The following SEL1L3 variants were observed in gnomAD, a reference collection of about 807,000 sequenced individuals.
SEL1L3 encodes SEL1L family member 3.
Under a neutral mutation model 142.8 loss-of-function variants are expected in SEL1L3, and 76 were observed. The ratio of observed to expected loss-of-function variants is 0.53; its 90% CI spans 0.44 to 0.64. The LOEUF (loss-of-function observed/expected upper bound fraction) is 0.64. Among genes scored for constraint, SEL1L3 ranks in the 30% least tolerant of loss-of-function variants. The probability of loss-of-function intolerance (pLI) is 0.00; values close to 1 mark genes in which losing one functional copy is unlikely to be tolerated. For synonymous variants in SEL1L3, 504 were observed against 519.6 expected (o/e 0.97, Z 0.41); for missense variants, 1,262 against 1,381.7 (o/e 0.91, Z 1.37).
intron 19 of SEL1L3, among the ~76,000 whole-genome samples, chr4:25,766,920 T>C (rs528027806): frequency 6.6e-6 from 1 of 152,246 alleles, no homozygotes; most frequent in South Asian, 2.1e-4. Context: ...CAGAGCAGCG[T>C]AGAGGAATCC....
In SEL1L3 at chr4:25,790,457, G is replaced by A; in HGVS notation, c.2074C>T (p.Gln692Ter). ...HEATRGNAAAQQRLAQMLFWG... is the reference protein window; with the variant it reads ...HEATRGNAAA The stretch of plus-strand genomic sequence containing the variant: ...AAGACAGTAGCCTGCGTTTTTACCT[G>A]AGCTGCTGCATTGCCTCGGGTAGCT... The change falls in exon 12 of 24, where the codon CAG (glutamine) becomes TAG (stop). Residue 692 changes from glutamine to a stop codon, truncating the protein, a stop_gained and splice_region_variant. Coordinates refer to ENST00000399878, the MANE Select transcript of SEL1L3 (RefSeq NM_015187.5). LOFTEE classifies it high-confidence loss of function. The A allele has an allele frequency of 6.2e-7, 1 of 1,613,768 alleles. No homozygotes were observed. Among genetic ancestry groups the A allele is most frequent in the Non-Finnish European group, 8.5e-7 (1 of 1,179,808 alleles).
At chr4:25,861,080 C>T (rs1477872653) in intron 1 of SEL1L3, among the ~76,000 whole-genome samples, 3 of 152,178 alleles carry the variant, frequency 2.0e-5, no homozygotes, top group Non-Finnish European at 4.4e-5. Context: ...TGGAACTTTT[C>T]GGCCCGGCCC....
At chr4:25,854,863 T>C (rs914638870) in intron 1 of SEL1L3, among the ~76,000 whole-genome samples, 3 of 152,218 alleles carry the variant, frequency 2.0e-5, no homozygotes, top group Admixed American at 6.5e-5. Context: ...GATGGATTGT[T>C]TGACAAGTAG....
chr4:25,830,636 AT>A (rs1421281218), intron 5 of SEL1L3, among the ~76,000 whole-genome samples: 1 of 151,988 alleles, frequency 6.6e-6, no homozygotes, highest in African/African-American at 2.4e-5. Context: ...CAGGGACACT[AT>A]TTTTTGTCAT....
chr4:25,743,632 G>A (rs1159212985), downstream of SEL1L3, among the ~76,000 whole-genome samples: 1 of 152,176 alleles, frequency 6.6e-6, no homozygotes, highest in Non-Finnish European at 1.5e-5. Flanking sequence ...TCACAGATAG[G>A]CGAGAGACAA....
At chr4:25,849,986 T>C (rs139541842) in intron 1 of SEL1L3, among the ~76,000 whole-genome samples, 78 of 152,206 alleles carry the variant, frequency 5.1e-4, no homozygotes, top group Non-Finnish European at 8.1e-4. Context: ...AGTTGGGCTT[T>C]GAGGGACGAA....
chr4:25,861,060 G>A (rs1320526569), intron 1 of SEL1L3, among the ~76,000 whole-genome samples: 1 of 152,188 alleles, frequency 6.6e-6, no homozygotes, highest in Non-Finnish European at 1.5e-5. Flanking sequence ...CAGGTCTTGA[G>A]ATGTCCACGT....
intron 1 of SEL1L3, among the ~76,000 whole-genome samples, chr4:25,854,265 C>T (rs934142511): frequency 1.3e-5 from 2 of 152,158 alleles, no homozygotes; most frequent in African/African-American, 2.4e-5. Flanking sequence ...AGTTTGCGAA[C>T]TGCTTTTCTA....
intron 17 of SEL1L3, 61 bp from the exon 18 acceptor site, chr4:25,767,891 G>A (rs1373606532): frequency 9.5e-7 from 1 of 1,057,620 alleles, no homozygotes. Context: ...TTCACAGAGA[G>A]CTTTACATTC....
the SEL1L3 span, among the ~76,000 whole-genome samples, chr4:25,715,011 C>A: frequency 1.3e-5 from 2 of 152,146 alleles, no homozygotes; most frequent in African/African-American, 2.4e-5. Flanking sequence ...TGCATGGGAA[C>A]AACCACTACA....
chr4:25,797,950 A>C (rs1354138409), intron 11 of SEL1L3, among the ~76,000 whole-genome samples: 1 of 152,100 alleles, frequency 6.6e-6, no homozygotes, highest in Non-Finnish European at 1.5e-5. Context: ...AGGCTTCCAG[A>C]GGGGGTGACA....
At chr4:25,733,523 C>CTTTTTT in the SEL1L3 span, among the ~76,000 whole-genome samples, 1 of 121,946 alleles carries the variant, frequency 8.2e-6, no homozygotes, top group Non-Finnish European at 1.6e-5. Context: ...TATTCCTTAG[C>CTTTTTT]TTTTTTTTTT....
At chr4:25,778,674 T>C (rs577498886) in intron 16 of SEL1L3, among the ~76,000 whole-genome samples, 7 of 152,190 alleles carry the variant, frequency 4.6e-5, no homozygotes, top group Middle Eastern at 3.4e-3. Context: ...GAAAACTACA[T>C]CTTTATCCTT....
Position 25,835,286 on chromosome 4 carries a change from A to C in SEL1L3, c.771T>G (p.Ser257Arg). 4 of 1,613,986 alleles carry C rather than the reference A, an allele frequency of 2.5e-6. No homozygotes were observed. Among genetic ancestry groups the C allele is most frequent in the Non-Finnish European group, 3.4e-6 (4 of 1,179,890 alleles). ...VALLGFPYAS[S>R]GENTGIVKKF... Reference sequence around the variant, plus strand: ...TCTTGACAATGCCTGTGTTTTCTCCACTGGAGGCATAAGGAAAGCCAAGCA... The same window carrying C: ...TCTTGACAATGCCTGTGTTTTCTCCCCTGGAGGCATAAGGAAAGCCAAGCA... Residue 257 changes from serine to arginine, a missense_variant, in exon 3 of 24, where the codon AGT (serine) becomes AGG (arginine). Transcript: ENST00000399878.
chr4:25,725,224 T>G, the SEL1L3 span, among the ~76,000 whole-genome samples: 1 of 151,946 alleles, frequency 6.6e-6, no homozygotes, highest in African/African-American at 2.4e-5. Flanking sequence ...AGTCCACTGA[T>G]TAAAGTGAAA....
At chr4:25,812,506 G>A (rs1026657035) in intron 9 of SEL1L3, among the ~76,000 whole-genome samples, 1 of 152,120 alleles carries the variant, frequency 6.6e-6, no homozygotes, top group African/African-American at 2.4e-5. Flanking sequence ...GATCAACTGA[G>A]GTCAGGAGTT....
At position 25,802,862 on chromosome 4, in the gene SEL1L3, C is replaced by T. The variant is rs572498407; in HGVS notation, c.1777-400G>A. 1.7e-3 allele frequency among the ~76,000 whole-genome samples: 254 copies of T among 152,140 alleles called. 1 individual carries two copies. Among genetic ancestry groups the T allele is most frequent in the African/African-American group, 4.9e-3 (203 of 41,510 alleles). ...TCTCAAAGTGCTGGGATTTAACTTG[C>T]CTTTTTAAAAAAATAATAAAATGAA... is the stretch of plus-strand genomic sequence containing the variant. On this transcript the variant is annotated intron_variant, in intron 10 of 23. Transcript: ENST00000399878.
intron 7 of SEL1L3, 126 bp from the exon 8 acceptor site, chr4:25,820,066 T>C: frequency 1.2e-6 from 1 of 802,364 alleles, no homozygotes; most frequent in Admixed American, 2.6e-5. Context: ...TTTGTACACA[T>C]ATCATCCACT....
chr4:25,776,651 G>A (rs748027395), intron 16 of SEL1L3: 6 of 292,494 alleles, frequency 2.1e-5, no homozygotes, highest in Non-Finnish European at 3.9e-5. Context: ...TCTACCAAGA[G>A]TTCTAGTACT....
Sources: gnomAD v4.1 joint callset for allele counts (sites outside exome capture counted in the v4.1 genomes callset) on GRCh38, gnomAD v4.1.1 for gene constraint, MANE v1.5 for transcripts, NCBI Gene and HGNC (gene_info 2026-07-23, HGNC 2026-07-21) for gene names.